The following KCNH1 variants were observed in gnomAD, a reference collection of about 807,000 sequenced individuals.
The protein encoded by KCNH1 is voltage-gated delayed rectifier potassium channel KCNH1.
In KCNH1, 27 loss-of-function variants were observed where a neutral mutation model predicts 69.2. The observed-to-expected ratio is 0.39, with a 90% CI of 0.29 to 0.54. The LOEUF is 0.54. Among genes scored for constraint, KCNH1 ranks in the 20% least tolerant of loss-of-function variants. KCNH1 has a pLI of 0.68. For synonymous variants in KCNH1, 456 were observed against 487.7 expected, an observed-to-expected ratio of 0.93 and a Z score of 0.86; for missense variants, 798 against 1,261.6, an observed-to-expected ratio of 0.63 and a Z score of 5.57.
chr1:210,747,639 A>G (rs1225350214), intron 10 of KCNH1, among the ~76,000 whole-genome samples: 2 of 74,694 alleles, frequency 2.7e-5, no homozygotes, highest in African/African-American at 8.5e-5. Context: ...TATCTTTCAC[A>G]TGCAAAAAAA....
chr1:211,064,960 GA>G (rs763574315), intron 5 of KCNH1, among the ~76,000 whole-genome samples: 71 of 152,270 alleles, frequency 4.7e-4, no homozygotes, highest in Non-Finnish European at 8.4e-4. Context: ...CTGTTAAAAT[GA>G]CTATTATCAA....
At chr1:211,027,406 G>T (rs1409796167) in intron 5 of KCNH1, among the ~76,000 whole-genome samples, 1 of 151,966 alleles carries the variant, frequency 6.6e-6, no homozygotes, top group Non-Finnish European at 1.5e-5. Flanking sequence ...GGAGTTCAAG[G>T]CCAGCCTGAG....
intron 5 of KCNH1, among the ~76,000 whole-genome samples, chr1:211,031,278 A>G (rs4027133): frequency 0.69 from 105,530 of 151,976 alleles, 37,195 homozygotes; most frequent in African/African-American, 0.81. Context: ...AAAAGTCCAG[A>G]ACCAGATGGA....
chr1:210,889,278 T>C (rs142410481), intron 7 of KCNH1, among the ~76,000 whole-genome samples: 4 of 152,078 alleles, frequency 2.6e-5, no homozygotes, highest in African/African-American at 7.2e-5. Context: ...ATAATCCCTC[T>C]CATAAACAGA....
At chr1:210,763,310 G>A (rs1683559008) in intron 10 of KCNH1, among the ~76,000 whole-genome samples, 1 of 151,900 alleles carries the variant, frequency 6.6e-6, no homozygotes, top group Non-Finnish European at 1.5e-5. Context: ...CTAAGAACTA[G>A]AACAAAACAA....
chr1:211,112,104 C>A (rs1297330388), intron 1 of KCNH1, among the ~76,000 whole-genome samples: 2 of 139,026 alleles, frequency 1.4e-5, no homozygotes, highest in Non-Finnish European at 3.3e-5. Context: ...AAGTGAGGAG[C>A]GCCTCTGCCC....
intron 10 of KCNH1, among the ~76,000 whole-genome samples, chr1:210,701,428 A>C (rs1681774600): frequency 6.6e-6 from 1 of 152,200 alleles, no homozygotes; most frequent in African/African-American, 2.4e-5. Context: ...ACTGAGGCCC[A>C]GAGAGGGAGA....
At chr1:210,760,290 A>G (rs1323097239) in intron 10 of KCNH1, among the ~76,000 whole-genome samples, 1 of 152,228 alleles carries the variant, frequency 6.6e-6, no homozygotes, top group Non-Finnish European at 1.5e-5. Flanking sequence ...GGGTAATACT[A>G]TAATATGACC....
chr1:210,841,621 GC>G (rs1685413170), intron 7 of KCNH1, among the ~76,000 whole-genome samples: 3 of 152,164 alleles, frequency 2.0e-5, no homozygotes, highest in Admixed American at 2.0e-4. Context: ...AAAGTAACAG[GC>G]CCATGCAGAT....
chr1:210,984,994 C>A (rs1688800314), intron 6 of KCNH1, among the ~76,000 whole-genome samples: 1 of 152,150 alleles, frequency 6.6e-6, no homozygotes, highest in Admixed American at 6.6e-5. Context: ...GATTCCATTT[C>A]TTCCTGGTTT....
At chr1:210,788,871 T>C (rs906235972) in intron 9 of KCNH1, among the ~76,000 whole-genome samples, 1 of 150,288 alleles carries the variant, frequency 6.7e-6, no homozygotes, top group African/African-American at 2.5e-5. Flanking sequence ...TAATTTTTTG[T>C]ATTTTTAGTA....
intron 6 of KCNH1, among the ~76,000 whole-genome samples, chr1:210,967,044 G>A (rs902083215): frequency 6.6e-6 from 1 of 150,828 alleles, no homozygotes; most frequent in Non-Finnish European, 1.5e-5. Context: ...CATAAAAAAC[G>A]ATTGAGTTCA....
rs190209046 is a variant in KCNH1, at chr1:210,680,812, A to G, written c.*2469T>C. ...CTGCCGCAGGAGCTGGCTTCCAGTC[A>G]TGAGCCCAGTTTGCGCTGATTCACG... On this transcript the variant is annotated 3_prime_UTR_variant, in exon 11 of 11. Coordinates refer to ENST00000271751, the MANE Select transcript of KCNH1 (RefSeq NM_172362.3). 2 of 152,388 alleles carry G rather than the reference A, an allele frequency of 1.3e-5. No individual in the cohort carries two copies. Among genetic ancestry groups the G allele is most frequent in the Admixed American group, 1.3e-4 (2 of 15,308 alleles). 9.4% of individuals were successfully genotyped at this position (152,388 alleles called of 1,614,324 possible). A position where few individuals can be genotyped will look rare whatever the true frequency, so the allele number is the denominator to read the frequency against.
intron 7 of KCNH1, among the ~76,000 whole-genome samples, chr1:210,886,438 A>G (rs1686607042): frequency 6.6e-6 from 1 of 152,194 alleles, no homozygotes; most frequent in African/African-American, 2.4e-5. Flanking sequence ...GAAGATGAGG[A>G]AAAACTAGTG....
At chr1:211,111,071 C>T (rs1048006898) in intron 1 of KCNH1, among the ~76,000 whole-genome samples, 5 of 151,876 alleles carry the variant, frequency 3.3e-5, no homozygotes, top group Admixed American at 1.3e-4. Context: ...TAACTATGTA[C>T]TTAATTTTAA....
chr1:210,998,804 C>A (rs561822111), intron 6 of KCNH1, among the ~76,000 whole-genome samples: 2 of 152,212 alleles, frequency 1.3e-5, no homozygotes, highest in Non-Finnish European at 2.9e-5. Flanking sequence ...GAAATCACAA[C>A]AAACTGTCTC....
chr1:210,928,919 T>C (rs1180615809), intron 6 of KCNH1, among the ~76,000 whole-genome samples: 1 of 152,088 alleles, frequency 6.6e-6, no homozygotes, highest in Admixed American at 6.5e-5. Context: ...GTGCATAAAC[T>C]AGAACACCTA....
chr1:211,029,165 A>C (rs1222647922), intron 5 of KCNH1, among the ~76,000 whole-genome samples: 20 of 118,876 alleles, frequency 1.7e-4, no homozygotes, highest in African/African-American at 6.5e-4. Flanking sequence ...CCCCATCTCT[A>C]CAAAAAAAAA....
chr1:211,037,178 G>A (rs1689914481), intron 5 of KCNH1, among the ~76,000 whole-genome samples: 1 of 152,044 alleles, frequency 6.6e-6, no homozygotes, highest in Admixed American at 6.6e-5. Flanking sequence ...TGGGAAAATG[G>A]AGGCTTTGTA....
Sources: gnomAD v4.1 joint callset for allele counts (sites outside exome capture counted in the v4.1 genomes callset) on GRCh38, gnomAD v4.1.1 for gene constraint, MANE v1.5 for transcripts, NCBI Gene and HGNC (gene_info 2026-07-23, HGNC 2026-07-21) for gene names.